SYTL5: variants seen among roughly 807,000 people sequenced by gnomAD.
SYTL5 encodes synaptotagmin like 5.
SYTL5 carries 34 observed loss-of-function variants against 55.9 expected under a neutral mutation model. The observed-to-expected ratio is 0.61, with a 90% CI of 0.46 to 0.81. The LOEUF is 0.81. Ranked by LOEUF, SYTL5 falls within the 30% of genes least tolerant of loss-of-function variation. SYTL5 has a pLI of 0.00. For synonymous variants in SYTL5, 221 were observed against 188.7 expected, an observed-to-expected ratio of 1.17 and a Z score of -1.40; for missense variants, 637 against 546.7, an observed-to-expected ratio of 1.17 and a Z score of -1.65.
At chrX:38,023,710 C>G (rs1371720517) in intron 1 of SYTL5, among the ~76,000 whole-genome samples, 5 of 111,104 alleles carry the variant, frequency 4.5e-5, no homozygotes. Flanking sequence ...GCTTCTAACT[C>G]TAATAGATTC....
the SYTL5 span, among the ~76,000 whole-genome samples, chrX:37,908,061 G>A: frequency 4.7e-5 from 5 of 107,044 alleles, no homozygotes; most frequent in African/African-American, 1.7e-4. Flanking sequence ...AAGCTGCAGT[G>A]AGCTATGATT....
At chrX:38,026,518 G>C (rs1934782226) in intron 1 of SYTL5, among the ~76,000 whole-genome samples, 1 of 111,939 alleles carries the variant, frequency 8.9e-6, no homozygotes, top group Non-Finnish European at 1.9e-5. Context: ...TATTAAGAAA[G>C]TAAAGGAATA....
chrX:38,077,156 T>C (rs916944323), intron 6 of SYTL5, among the ~76,000 whole-genome samples: 3 of 111,701 alleles, frequency 2.7e-5, no homozygotes, highest in Middle Eastern at 4.6e-3. Context: ...CTCTTCTAAC[T>C]GGAGGAGATT....
the SYTL5 span, among the ~76,000 whole-genome samples, chrX:37,996,190 C>T: frequency 9.0e-6 from 1 of 111,645 alleles, no homozygotes; most frequent in Non-Finnish European, 1.9e-5. Flanking sequence ...CAGCTGTGCT[C>T]GTGGGTTTCA....
chrX:37,949,591 T>C, the SYTL5 span, among the ~76,000 whole-genome samples: 4 of 111,476 alleles, frequency 3.6e-5, no homozygotes, highest in Non-Finnish European at 7.6e-5. Flanking sequence ...GAAGAACAGG[T>C]ACATTTTGAT....
rs1275402782 is a variant in SYTL5, at chrX:38,128,055, G to A, written c.*1325G>A. 1 of 112,130 alleles carries A rather than the reference G, an allele frequency of 8.9e-6. No homozygotes were observed. Among genetic ancestry groups the A allele is most frequent in the African/African-American group, 3.2e-5 (1 of 30,841 alleles). 9.2% of individuals were successfully genotyped at this position (112,130 alleles called of 1,213,427 possible). A position where few individuals can be genotyped will look rare whatever the true frequency, so the allele number is the denominator to read the frequency against. On this transcript the variant is annotated 3_prime_UTR_variant, in exon 17 of 17. Transcript: ENST00000297875. ...AGGATGCAGGAAGGCATGAAGAATT[G>A]GGGCCAACAGTTCAATCTACCATAC...
chrX:38,108,310 G>A (rs1937265683), intron 11 of SYTL5, among the ~76,000 whole-genome samples: 1 of 111,819 alleles, frequency 8.9e-6, no homozygotes, highest in African/African-American at 3.2e-5. Flanking sequence ...GCACAGAGTG[G>A]TTATTTAGTA....
chrX:38,031,089 A>C (rs1284308384), intron 1 of SYTL5, among the ~76,000 whole-genome samples: 1 of 111,393 alleles, frequency 9.0e-6, no homozygotes, highest in East Asian at 2.8e-4. Context: ...TTCTATCTTA[A>C]GGTACCCTTC....
the SYTL5 span, among the ~76,000 whole-genome samples, chrX:37,975,695 A>G: frequency 8.9e-6 from 1 of 111,885 alleles, no homozygotes; most frequent in African/African-American, 3.3e-5. Flanking sequence ...TAGCAATTGT[A>G]TAAACCTATT....
chrX:38,095,022 A>G (rs1337664555), intron 8 of SYTL5, among the ~76,000 whole-genome samples: 1 of 111,905 alleles, frequency 8.9e-6, no homozygotes, highest in African/African-American at 3.2e-5. Flanking sequence ...AATTTGTCAT[A>G]ATTTTGAAGC....
the SYTL5 span, among the ~76,000 whole-genome samples, chrX:37,951,831 G>A: frequency 1.8e-5 from 2 of 111,233 alleles, no homozygotes; most frequent in Non-Finnish European, 3.8e-5. Context: ...AGTGGAGAAG[G>A]AATACAATGG....
the SYTL5 span, among the ~76,000 whole-genome samples, chrX:37,959,150 G>T: frequency 8.9e-6 from 1 of 111,852 alleles, no homozygotes; most frequent in Non-Finnish European, 1.9e-5. Context: ...CCCTAGTGGG[G>T]ACTCTCCGTG....
At chrX:38,073,486 T>A in intron 4 of SYTL5, 104 bp from the exon 5 acceptor site, 3 of 574,240 alleles carry the variant, frequency 5.2e-6, no homozygotes, top group Non-Finnish European at 8.3e-6. Flanking sequence ...ATTATAGACT[T>A]CCTTGCCCTG....
At chrX:37,956,777 A>G in the SYTL5 span, among the ~76,000 whole-genome samples, 4 of 111,953 alleles carry the variant, frequency 3.6e-5, no homozygotes, top group African/African-American at 6.5e-5. Flanking sequence ...TTCGGGATCC[A>G]TATTTCTATT....
Position 38,125,499 on chromosome X carries a change from T to C in SYTL5, c.2043T>C (p.Ser681=). 2 of 1,209,778 alleles carry C rather than the reference T, an allele frequency of 1.7e-6. No homozygotes were observed. The highest frequency in any genetic ancestry group is 1.1e-6 in the Non-Finnish European group (1 of 893,665). ...TTCTGGGAGGAGTTCGTTTGAATTC[T>C]GGAAGTGGTGAGGGATTTGGGGACC... ...NIFLGGVRLN[S]GSGVSHGKNV... The change falls in exon 16 of 17, where the codon TCT becomes TCC. Residue 681 remains serine, a synonymous_variant. Coordinates refer to ENST00000297875, the MANE Select transcript of SYTL5 (RefSeq NM_138780.3).
intron 2 of SYTL5, among the ~76,000 whole-genome samples, chrX:38,040,554 C>T (rs1237882258): frequency 9.4e-6 from 1 of 106,285 alleles, no homozygotes; most frequent in African/African-American, 3.4e-5. Context: ...TTTTTAAATC[C>T]CACAAATAAG....
At chrX:38,087,918 G>C (rs1018481633) in intron 6 of SYTL5, among the ~76,000 whole-genome samples, 1 of 111,404 alleles carries the variant, frequency 9.0e-6, no homozygotes, top group East Asian at 2.8e-4. Flanking sequence ...ATGTGTGTTT[G>C]TGTACATGCA....
At chrX:37,892,197 C>T in the SYTL5 span, among the ~76,000 whole-genome samples, 1 of 109,941 alleles carries the variant, frequency 9.1e-6, no homozygotes, top group African/African-American at 3.3e-5. Context: ...TTAAGTAGAG[C>T]AGTAAATAAT....
chrX:38,108,901 C>G (rs1229693816), intron 12 of SYTL5, among the ~76,000 whole-genome samples: 1 of 112,409 alleles, frequency 8.9e-6, no homozygotes, highest in African/African-American at 3.2e-5. Flanking sequence ...CTATTTAAGT[C>G]TACGCTGCTA....
Sources: allele counts gnomAD v4.1 joint callset (sites outside exome capture counted in the v4.1 genomes callset), GRCh38; gene constraint gnomAD v4.1.1; transcripts MANE v1.5; gene names NCBI Gene and HGNC (gene_info 2026-07-23, HGNC 2026-07-21).